Variants in CYGB observed in about 807,000 individuals in gnomAD.
CYGB encodes the protein cytoglobin.
In CYGB, 13 loss-of-function variants were observed where a neutral mutation model predicts 20.7. That is an observed-to-expected ratio of 0.63 (90% confidence interval 0.41 to 1.00). The LOEUF (loss-of-function observed/expected upper bound fraction) is 1.00. Ranked by LOEUF, CYGB falls within the 50% of genes least tolerant of loss-of-function variation. The pLI, the probability that CYGB is intolerant of heterozygous loss-of-function variation, is 0.00. For synonymous variants in CYGB, 93 were observed against 107.4 expected, an observed-to-expected ratio of 0.87 and a Z score of 0.83; for missense variants, 218 against 257.2, an observed-to-expected ratio of 0.85 and a Z score of 1.04.
chr17:76,548,360 ATAAAT>A (rs1299879409), intron 1 of CYGB, among the ~76,000 whole-genome samples: 64 of 152,386 alleles, frequency 4.2e-4, no homozygotes, highest in East Asian at 1.7e-3. Flanking sequence ...AAGCATTAAA[ATAAAT>A]TAATGTGTTC....
chr17:76,540,772 A>T (rs2074982864), upstream of CYGB, among the ~76,000 whole-genome samples: 2 of 152,222 alleles, frequency 1.3e-5, no homozygotes, highest in South Asian at 4.1e-4. This position sits in a 1 kb window ranked among gnomAD's most constrained non-coding sequence, Gnocchi z 5.0. Context: ...GGGAACCCTC[A>T]GCTCGCTCCT....
In CYGB at chr17:76,531,875, C is replaced by T; in HGVS notation, c.144-184G>A. 1 of 565,042 alleles carries T rather than the reference C, an allele frequency of 1.8e-6. No individual in the cohort carries two copies. Among genetic ancestry groups the T allele is most frequent in the Non-Finnish European group, 3.1e-6 (1 of 319,692 alleles). The allele number at this position is 565,042 out of a possible 1,614,324, so 35.0% of individuals were successfully genotyped here. On this transcript the variant is annotated intron_variant, in intron 1 of 3. Coordinates refer to ENST00000293230, the MANE Select transcript of CYGB (RefSeq NM_134268.5). The surrounding 1 kb of genome is among the most constrained non-coding windows in gnomAD (Gnocchi z 7.4). The stretch of plus-strand genomic sequence containing the variant: ...TCCTCCCTCTGGCCAAGCCGGCTCA[C>T]CCCTACCAAGTCTGGCCATGTCTAT...
At chr17:76,540,523 TGGGGCAGCTA>T (rs1009828411), upstream of CYGB, 1 of 1,612,898 alleles carries the variant, frequency 6.2e-7, no homozygotes, top group Non-Finnish European at 8.5e-7. The surrounding 1 kb of genome is among the most constrained non-coding windows in gnomAD (Gnocchi z 5.0). Context: ...GCGACGTGGA[TGGGGCAGCTA>T]GGGGCAGCAG....
upstream of CYGB, chr17:76,540,652 T>C (rs2074981152): frequency 2.1e-6 from 3 of 1,411,580 alleles, no homozygotes; most frequent in South Asian, 3.5e-5. This position sits in a 1 kb window ranked among gnomAD's most constrained non-coding sequence, Gnocchi z 5.0. Flanking sequence ...GGTGCACGTG[T>C]GTGCCTGTGC....
intron 1 of CYGB, chr17:76,545,142 G>C (rs767560756): frequency 2.2e-6 from 1 of 456,524 alleles, no homozygotes; most frequent in African/African-American, 2.0e-5. Context: ...CCCAGCCCAC[G>C]CTCGCCTCTT....
chr17:76,531,982 C>T lies in CYGB; in HGVS notation c.144-291G>A. On this transcript the variant is annotated intron_variant, in intron 1 of 3. Coordinates refer to ENST00000293230, the MANE Select transcript of CYGB (RefSeq NM_134268.5). The surrounding 1 kb of genome is among the most constrained non-coding windows in gnomAD (Gnocchi z 7.4). ...TCTTGCTTCCTTCCCAAACTCTACA[C>T]CCCCTTCAAGCCCTGCTCTAGTCAT... is the stretch of plus-strand genomic sequence containing the variant. 1 of 326,554 alleles carries T rather than the reference C, an allele frequency of 3.1e-6. No homozygotes were observed. 20.2% of individuals were successfully genotyped at this position (326,554 alleles called of 1,614,324 possible).
chr17:76,547,789 CAT>C (rs1428001875), intron 1 of CYGB, among the ~76,000 whole-genome samples: 3 of 150,804 alleles, frequency 2.0e-5, no homozygotes, highest in Non-Finnish European at 4.4e-5. Context: ...CACACACAGA[CAT>C]ACACACATTC....
chr17:76,531,383 C>G lies in CYGB; in HGVS notation c.375+77G>C. On this transcript the variant is annotated intron_variant, in intron 2 of 3. Transcript: ENST00000293230. This position sits in a 1 kb window ranked among gnomAD's most constrained non-coding sequence, Gnocchi z 7.4. ...GGATCACCTCTGTTGCTCCAGAGAG[C>G]CGTCGCAGAGCCTGCGAGCTGCAGA... The G allele has an allele frequency of 6.6e-7, 1 of 1,514,258 alleles. No homozygotes were observed. The highest frequency in any genetic ancestry group is 9.0e-7 in the Non-Finnish European group (1 of 1,109,716). 93.8% of individuals were successfully genotyped at this position (1,514,258 alleles called of 1,614,324 possible). A position where few individuals can be genotyped will look rare whatever the true frequency, so the allele number is the denominator to read the frequency against.
Position 76,529,740 on chromosome 17 carries a change from C to T in CYGB, c.540-1129G>A, listed in dbSNP as rs982695994. On this transcript the variant is annotated intron_variant, in intron 3 of 3. Transcript: ENST00000293230. ...CTGGTGGGGGGTGAGGGGGCAACCA[C>T]TGCTCTCCACGCCCTGCCAGTGCCC... 10 of 985,294 alleles carry T rather than the reference C, an allele frequency of 1.0e-5. No individual in the cohort carries two copies. The Admixed American group carries it at 5.5e-4, about 55-fold the overall frequency. The allele number at this position is 985,294 out of a possible 1,614,324, so 61.0% of individuals were successfully genotyped here. A position where few individuals can be genotyped will look rare whatever the true frequency, so the allele number is the denominator to read the frequency against.
chr17:76,528,723 C>A lies in CYGB; in HGVS notation c.540-112G>T. 9.1e-7 allele frequency: 1 copy of A among 1,100,244 alleles called. No individual in the cohort carries two copies. The highest frequency in any genetic ancestry group is 4.6e-5 in the South Asian group (1 of 21,788). 68.2% of individuals were successfully genotyped at this position (1,100,244 alleles called of 1,614,324 possible). On this transcript the variant is annotated intron_variant, in intron 3 of 3. Coordinates refer to ENST00000293230, the MANE Select transcript of CYGB (RefSeq NM_134268.5). The surrounding 1 kb of genome is among the most constrained non-coding windows in gnomAD (Gnocchi z 5.8). ...GAGGCTCACTTCCTGCCAAGAGATC[C>A]GGCACAGTGCAGTTGAAAGCAACCG... is the stretch of plus-strand genomic sequence containing the variant.
chr17:76,547,636 C>A lies in CYGB; in HGVS notation c.-53+3226G>T, dbSNP rs1302951451. 1.6e-4 allele frequency among the ~76,000 whole-genome samples: 6 copies of A among 36,592 alleles called. No individual in the cohort carries two copies. The Admixed American group carries it at 2.3e-3, about 14-fold the overall frequency. 24.0% of individuals were successfully genotyped at this position (36,592 alleles called of 152,430 possible). Reference sequence around the variant, plus strand: ...CCAATCCTGTCCCTATGTGAACACACACACATTCACACACACACACACACA... The same window carrying A: ...CCAATCCTGTCCCTATGTGAACACAAACACATTCACACACACACACACACA... On this transcript the variant is annotated intron_variant, in intron 1 of 3. Coordinates refer to the CYGB transcript ENST00000589145.
chr17:76,528,314 GTCTC>G lies in CYGB; in HGVS notation c.*260_*263del, dbSNP rs2074790737. The G allele has an allele frequency of 5.0e-6, 2 of 400,838 alleles. No homozygotes were observed. Among genetic ancestry groups the G allele is most frequent in the South Asian group, 1.2e-4 (1 of 8,364 alleles). 24.8% of individuals were successfully genotyped at this position (400,838 alleles called of 1,614,324 possible). On this transcript the variant is annotated 3_prime_UTR_variant, in exon 4 of 4. Transcript: ENST00000293230. The surrounding 1 kb of genome is among the most constrained non-coding windows in gnomAD (Gnocchi z 5.8). ...CGCTTCCTGCCAGCCGCTCAGCTAG[GTCTC>G]TCTCTAACAGTGAGTAGAAAAGCTA... is the stretch of plus-strand genomic sequence containing the variant.
rs373402036 is a variant in CYGB, at chr17:76,531,159, G to T, written c.376-17C>A. ...AGAGAGGATCTGGGGGCAAAGGGAGGAAGGGGGAGTGAACGCCCGGGCGCC... is the reference window on the plus strand; with the variant it reads ...AGAGAGGATCTGGGGGCAAAGGGAGTAAGGGGGAGTGAACGCCCGGGCGCC... On this transcript the variant is annotated splice_polypyrimidine_tract_variant and intron_variant, in intron 2 of 3. Transcript: ENST00000293230. This position sits in a 1 kb window ranked among gnomAD's most constrained non-coding sequence, Gnocchi z 7.4. 6.2e-7 allele frequency: 1 copy of T among 1,608,134 alleles called. No homozygotes were observed. The highest frequency in any genetic ancestry group is 8.5e-7 in the Non-Finnish European group (1 of 1,176,012).
chr17:76,540,517 C>A, upstream of CYGB: 1 of 1,613,324 alleles, frequency 6.2e-7, no homozygotes, highest in South Asian at 1.1e-5. The surrounding 1 kb of genome is among the most constrained non-coding windows in gnomAD (Gnocchi z 5.0). Context: ...AGCCCAGCGA[C>A]GTGGATGGGG....
At chr17:76,540,255 G>C (rs8176324), upstream of CYGB, 194,902 of 1,095,374 alleles carry the variant, frequency 0.18, 38,722 homozygotes, top group East Asian at 0.34. The surrounding 1 kb of genome is among the most constrained non-coding windows in gnomAD (Gnocchi z 5.0). Flanking sequence ...GTTGGTCGGG[G>C]GGGGGGGGCA....
intron 1 of CYGB, chr17:76,543,857 G>A (rs1006249890): frequency 2.1e-6 from 1 of 471,000 alleles, no homozygotes; most frequent in African/African-American, 2.0e-5. Flanking sequence ...AATAAGAAAT[G>A]CCAGTTGGAT....
upstream of CYGB, chr17:76,540,245 G>A: frequency 7.5e-7 from 1 of 1,337,846 alleles, no homozygotes; most frequent in Non-Finnish European, 1.0e-6. The surrounding 1 kb of genome is among the most constrained non-coding windows in gnomAD (Gnocchi z 5.0). Context: ...ATGGCTGGCG[G>A]TTGGTCGGGG....
intron 3 of CYGB, chr17:76,529,480 G>T (rs1226908545): frequency 1.0e-6 from 1 of 985,302 alleles, no homozygotes; most frequent in African/African-American, 1.7e-5. Context: ...GCGTGCTGGG[G>T]AACTTGGGCC....
rs552556202 is a variant in CYGB at position 76,528,780 on chromosome 17, C to T, written c.540-169G>A. 2.8e-3 allele frequency: 2,828 copies of T among 1,012,034 alleles called. 8 individuals carry two copies. The highest frequency in any genetic ancestry group is 3.4e-3 in the Non-Finnish European group (2,648 of 781,736). The allele number at this position is 1,012,034 out of a possible 1,614,324, so 62.7% of individuals were successfully genotyped here. On this transcript the variant is annotated intron_variant, in intron 3 of 3. Transcript: ENST00000293230. This position sits in a 1 kb window ranked among gnomAD's most constrained non-coding sequence, Gnocchi z 5.8. Reference sequence around the variant, plus strand: ...CCAAGTTCTAGTCTCCGTCCTGCTACGAACGTGCTGTGTGATCTCAGGCAA... The same window carrying T: ...CCAAGTTCTAGTCTCCGTCCTGCTATGAACGTGCTGTGTGATCTCAGGCAA...
Sources: gnomAD v4.1 joint callset for allele counts (sites outside exome capture counted in the v4.1 genomes callset) on GRCh38, gnomAD v4.1.1 for gene constraint, Gnocchi (gnomAD v3.1) non-coding constraint, MANE v1.5 for transcripts, NCBI Gene and HGNC (gene_info 2026-07-23, HGNC 2026-07-21) for gene names.